Variants in PRKN observed in about 807,000 individuals in gnomAD.
PRKN encodes the protein E3 ubiquitin-protein ligase parkin.
A neutral mutation model predicts 59.5 loss-of-function variants in PRKN; 56 were observed. The ratio of observed to expected loss-of-function variants is 0.94; its 90% CI spans 0.76 to 1.18. PRKN has a LOEUF of 1.18. Among genes scored for constraint, PRKN ranks in the 50% most tolerant of loss-of-function variants. PRKN has a pLI of 0.00. For synonymous variants in PRKN, 250 were observed against 222.1 expected (o/e 1.13, Z -1.12); for missense variants, 657 against 596.4 (o/e 1.10, Z -1.06).
chr6:162,045,516 C>T (rs1784218345), intron 5 of PRKN, among the ~76,000 whole-genome samples: 1 of 152,234 alleles, frequency 6.6e-6, no homozygotes, highest in South Asian at 2.1e-4. Flanking sequence ...GTGACATCGT[C>T]TCAGTTGTGA....
At chr6:162,539,418 T>C (rs560202813) in intron 1 of PRKN, among the ~76,000 whole-genome samples, 9 of 152,280 alleles carry the variant, frequency 5.9e-5, no homozygotes, top group Non-Finnish European at 8.8e-5. Flanking sequence ...TATACTAAGA[T>C]TAATTTCAGT....
intron 9 of PRKN, among the ~76,000 whole-genome samples, chr6:161,519,323 C>T (rs79133479): frequency 6.6e-6 from 1 of 152,108 alleles, no homozygotes; most frequent in Non-Finnish European, 1.5e-5. Flanking sequence ...AAAATACCAG[C>T]AGGATTGCTC....
chr6:161,876,880 A>T (rs976190756), intron 6 of PRKN, among the ~76,000 whole-genome samples: 2 of 152,124 alleles, frequency 1.3e-5, no homozygotes, highest in Non-Finnish European at 2.9e-5. Context: ...GAAACCATTG[A>T]AATCTTTCAT....
chr6:162,561,239 A>G (rs1779826106), intron 1 of PRKN, among the ~76,000 whole-genome samples: 2 of 152,156 alleles, frequency 1.3e-5, no homozygotes, highest in African/African-American at 2.4e-5. Flanking sequence ...GATATTTACT[A>G]AACAGTTTCA....
chr6:161,410,938 C>G lies in PRKN; in HGVS notation c.1084-24061G>C, dbSNP rs895996692. ...ATCATGTTTACAAAATCTGGCTAAACAGGAAGTTTCATCCTGAAACCGGTT... is the reference window on the plus strand; with the variant it reads ...ATCATGTTTACAAAATCTGGCTAAAGAGGAAGTTTCATCCTGAAACCGGTT... On this transcript the variant is annotated intron_variant, in intron 9 of 11. Coordinates refer to ENST00000366898, the MANE Select transcript of PRKN (RefSeq NM_004562.3). The surrounding 1 kb of genome is among the most constrained non-coding windows in gnomAD (Gnocchi z 5.3). Among the ~76,000 whole-genome samples, 2 of 152,188 alleles carry G rather than the reference C, an allele frequency of 1.3e-5. No individual in the cohort carries two copies. The highest frequency in any genetic ancestry group is 6.5e-5 in the Admixed American group (1 of 15,274).
At chr6:161,989,754 C>G (rs1781573025) in intron 5 of PRKN, among the ~76,000 whole-genome samples, 1 of 152,102 alleles carries the variant, frequency 6.6e-6, no homozygotes, top group Admixed American at 6.5e-5. Flanking sequence ...TGAGCACCTT[C>G]CAGGGCCCTG....
chr6:161,801,047 C>T (rs1276869995), intron 6 of PRKN, among the ~76,000 whole-genome samples: 1 of 152,158 alleles, frequency 6.6e-6, no homozygotes, highest in African/African-American at 2.4e-5. Context: ...CCCACCCCTC[C>T]CATGACAACA....
chr6:162,159,153 A>G (rs1782652052), intron 4 of PRKN, among the ~76,000 whole-genome samples: 1 of 150,932 alleles, frequency 6.6e-6, no homozygotes, highest in Admixed American at 6.6e-5. Context: ...TGCCTTGCCT[A>G]TCTCTATCTA....
intron 7 of PRKN, among the ~76,000 whole-genome samples, chr6:161,693,932 T>C (rs890478534): frequency 2.0e-5 from 3 of 152,216 alleles, no homozygotes; most frequent in African/African-American, 7.2e-5. Context: ...CCACAGGCAC[T>C]AAGCAGTGAT....
intron 4 of PRKN, among the ~76,000 whole-genome samples, chr6:162,152,184 C>T (rs1782300761): frequency 1.3e-5 from 2 of 152,154 alleles, no homozygotes; most frequent in South Asian, 2.1e-4. Context: ...GTTATCCTGC[C>T]AAATGCAAGC....
intron 7 of PRKN, among the ~76,000 whole-genome samples, chr6:161,772,453 A>G (rs9458364): frequency 0.39 from 58,747 of 152,034 alleles, 11,462 homozygotes; most frequent in South Asian, 0.52. Flanking sequence ...GATTCTCAGC[A>G]ATCGACATGT....
chr6:161,829,069 T>C (rs1472954103), intron 6 of PRKN, among the ~76,000 whole-genome samples: 1 of 150,166 alleles, frequency 6.7e-6, no homozygotes, highest in African/African-American at 2.5e-5. Flanking sequence ...CTAGTAAAAA[T>C]ACAAAAATTA....
At chr6:162,098,317 G>C (rs1322724185) in intron 4 of PRKN, among the ~76,000 whole-genome samples, 1 of 152,112 alleles carries the variant, frequency 6.6e-6, no homozygotes, top group Non-Finnish European at 1.5e-5. Context: ...GAAATATTCA[G>C]GCAACTGGGA....
intron 4 of PRKN, among the ~76,000 whole-genome samples, chr6:162,063,256 G>A (rs1307386598): frequency 6.6e-6 from 1 of 152,046 alleles, no homozygotes; most frequent in African/African-American, 2.4e-5. Context: ...TAATATAAAG[G>A]ACACATTAAT....
chr6:161,577,661 C>A (rs9295156), intron 7 of PRKN, among the ~76,000 whole-genome samples: 1 of 152,058 alleles, frequency 6.6e-6, no homozygotes, highest in East Asian at 1.9e-4. Context: ...CCAGAAGATG[C>A]GAAGTATCTT....
chr6:161,658,500 T>G (rs1323252789), intron 7 of PRKN, among the ~76,000 whole-genome samples: 1 of 151,874 alleles, frequency 6.6e-6, no homozygotes, highest in African/African-American at 2.4e-5. Context: ...AGCGGGAGAG[T>G]GTACTTTAGA....
intron 6 of PRKN, among the ~76,000 whole-genome samples, chr6:161,865,510 T>C (rs1794077100): frequency 6.6e-6 from 1 of 152,204 alleles, no homozygotes; most frequent in African/African-American, 2.4e-5. Flanking sequence ...GCACTGACAA[T>C]CTATTGTTTA....
chr6:162,685,410 GTAAA>G (rs1194262287), intron 1 of PRKN, among the ~76,000 whole-genome samples: 2 of 151,882 alleles, frequency 1.3e-5, no homozygotes, highest in Non-Finnish European at 2.9e-5. Context: ...TCATACAAAA[GTAAA>G]TATATATATA....
At chr6:162,358,095 C>A (rs1784953489) in intron 2 of PRKN, among the ~76,000 whole-genome samples, 1 of 152,112 alleles carries the variant, frequency 6.6e-6, no homozygotes, top group South Asian at 2.1e-4. Flanking sequence ...AATATTGCTT[C>A]ACCAATTTAA....
Sources: allele counts gnomAD v4.1 joint callset (sites outside exome capture counted in the v4.1 genomes callset), GRCh38; gene constraint gnomAD v4.1.1; non-coding constraint Gnocchi (gnomAD v3.1); transcripts MANE v1.5; gene names NCBI Gene and HGNC (gene_info 2026-07-23, HGNC 2026-07-21).